SBNO2: variants seen among roughly 807,000 people sequenced by gnomAD.
SBNO2 encodes strawberry notch homolog 2, also known as protein strawberry notch homolog 2.
SBNO2 carries 89 observed loss-of-function variants against 146.3 expected under a neutral mutation model. That is an observed-to-expected ratio of 0.61 (90% CI 0.51 to 0.73). The LOEUF (loss-of-function observed/expected upper bound fraction) is 0.73, where lower values mean the gene tolerates loss of function less well. Among genes scored for constraint, SBNO2 ranks in the 30% least tolerant of loss-of-function variants. The probability of loss-of-function intolerance (pLI) is 0.00; values close to 1 mark genes in which losing one functional copy is unlikely to be tolerated. For missense variants in SBNO2, 2,092 were observed against 2,003.7 expected (o/e 1.04, Z -0.84); for synonymous variants, 1,147 against 892.6 (o/e 1.29, Z -5.08).
chr19:1,122,589 C>A, intron 9 of SBNO2, 31 bp from the exon 10 acceptor site: 1 of 1,506,842 alleles, frequency 6.6e-7, no homozygotes, highest in Admixed American at 2.1e-5. Flanking sequence ...GCGCGCCCAC[C>A]CTTCCCCCTC....
intron 2 of SBNO2, among the ~76,000 whole-genome samples, chr19:1,153,141 G>A (rs1222168147): frequency 6.6e-6 from 1 of 151,058 alleles, no homozygotes; most frequent in Non-Finnish European, 1.5e-5. Flanking sequence ...GCAACAGAGT[G>A]AAACCGTGTT....
chr19:1,133,470 C>T (rs1656098864), intron 4 of SBNO2, among the ~76,000 whole-genome samples: 1 of 150,666 alleles, frequency 6.6e-6, no homozygotes, highest in African/African-American at 2.5e-5. Flanking sequence ...TCACCCTGTT[C>T]TAGACCCTGA....
intron 4 of SBNO2, among the ~76,000 whole-genome samples, chr19:1,142,478 G>A (rs1011274089): frequency 4.6e-5 from 7 of 152,210 alleles, no homozygotes; most frequent in Non-Finnish European, 7.3e-5. Flanking sequence ...TCAGGAGTTC[G>A]AGACCAGCCT....
intron 7 of SBNO2, 148 bp downstream of exon 7, chr19:1,123,386 A>C (rs1200799329): frequency 1.5e-6 from 1 of 687,574 alleles, no homozygotes; most frequent in Non-Finnish European, 2.5e-6. Context: ...ATAAGCCTGG[A>C]TTGTAGAACC....
chr19:1,111,570 G>T lies in SBNO2; in HGVS notation c.2745C>A (p.Ser915Arg). 1 of 1,597,836 alleles carries T rather than the reference G, an allele frequency of 6.3e-7. No individual in the cohort carries two copies. ...ALHCVLTTIL[S>R]QTENKVPVPQ... ...GCACAGGCACTTTGTTCTCAGTCTG[G>T]CTCAGGATGGTGGTGAGGACACAGT... Residue 915 changes from serine (S) to arginine (R), a missense_variant, in exon 24 of 32, where the codon AGC (serine) becomes AGA (arginine). Ser to Arg is a moderately radical substitution (Grantham distance 110, BLOSUM62 -1). Transcript: ENST00000361757.
At position 1,114,388 on chromosome 19, in the gene SBNO2, C is replaced by T; in HGVS notation, c.1920G>A (p.Arg640=). ...RPRGRGAKAP[R]LACETAGVIR... is the part of the protein sequence containing the mutation. ...TGACGCCCGCTGTCTCGCACGCCAG[C>T]CGGGGGGCTTTGGCCCCGCGTCCCC... The change falls in exon 18 of 32, where the codon CGG becomes CGA. Residue 640 remains arginine (R), a synonymous_variant. Coordinates refer to ENST00000361757, the MANE Select transcript of SBNO2 (RefSeq NM_014963.3). 6.5e-7 allele frequency: 1 copy of T among 1,550,262 alleles called. No homozygotes were observed. Among genetic ancestry groups the T allele is most frequent in the Non-Finnish European group, 8.7e-7 (1 of 1,146,622 alleles).
At chr19:1,123,347 C>T (rs929543132) in intron 7 of SBNO2, among the ~76,000 whole-genome samples, 187 bp downstream of exon 7, 1 of 152,160 alleles carries the variant, frequency 6.6e-6, no homozygotes, top group African/African-American at 2.4e-5. Context: ...TTCCTTTCCA[C>T]TTCTCCCCTC....
chr19:1,118,805 G>A (rs2079863083), intron 14 of SBNO2, among the ~76,000 whole-genome samples: 1 of 152,120 alleles, frequency 6.6e-6, no homozygotes, highest in Non-Finnish European at 1.5e-5. Context: ...CCAAGAGGCA[G>A]AGGTTGCAGT....
Position 1,118,209 on chromosome 19 carries a change from A to G in SBNO2, c.1528-710T>C, listed in dbSNP as rs1211576694. On this transcript the variant is annotated intron_variant, in intron 14 of 31. Transcript: ENST00000361757. ...ATAAAATTGGCCGGGCTGGTGGCACATGCCTGTAACCCCAGCTACGCGGGA... is the reference window on the plus strand; with the variant it reads ...ATAAAATTGGCCGGGCTGGTGGCACGTGCCTGTAACCCCAGCTACGCGGGA... Among the ~76,000 whole-genome samples, 3 of 152,300 alleles carry G rather than the reference A, an allele frequency of 2.0e-5. No individual in the cohort carries two copies. In the East Asian group the frequency reaches 5.8e-4, roughly 29 times the overall value.
At chr19:1,143,517 C>T (rs2080159219) in intron 4 of SBNO2, among the ~76,000 whole-genome samples, 1 of 152,174 alleles carries the variant, frequency 6.6e-6, no homozygotes, top group Admixed American at 6.5e-5. Flanking sequence ...ACACACTTAT[C>T]CTCTCACAGT....
intron 1 of SBNO2, among the ~76,000 whole-genome samples, chr19:1,159,760 TGGGGACAGCG>T (rs2080326829): frequency 1.7e-5 from 1 of 59,410 alleles, no homozygotes; most frequent in Non-Finnish European, 3.1e-5. Flanking sequence ...AGCGGGGAGA[TGGGGACAGCG>T]GGGGGCAGTG....
At chr19:1,171,553 C>T (rs2080477752) in intron 1 of SBNO2, among the ~76,000 whole-genome samples, 1 of 152,152 alleles carries the variant, frequency 6.6e-6, no homozygotes, top group African/African-American at 2.4e-5. Flanking sequence ...GCATGGGGGC[C>T]CCCTGGGAGG....
Position 1,150,931 on chromosome 19 carries a change from A to G in SBNO2, c.94-1489T>C, listed in dbSNP as rs1040156589. Among the ~76,000 whole-genome samples the G allele has an allele frequency of 1.3e-5, 2 of 152,098 alleles. No homozygotes were observed. Among genetic ancestry groups the G allele is most frequent in the East Asian group, 3.9e-4 (2 of 5,184 alleles). ...TCCAGCTTTTGCATAAAATAAGTTT[A>G]TCAGCAAAAGCCCACAGCTCCTCCC... On this transcript the variant is annotated intron_variant, in intron 2 of 31. Transcript: ENST00000361757. This position sits in a 1 kb window ranked among gnomAD's most constrained non-coding sequence, Gnocchi z 6.2.
chr19:1,130,935 C>T (rs1282060839), intron 4 of SBNO2, among the ~76,000 whole-genome samples: 3 of 152,180 alleles, frequency 2.0e-5, no homozygotes, highest in Non-Finnish European at 4.4e-5. Flanking sequence ...CATGAGCCCT[C>T]GAAGCCTTCA....
At chr19:1,118,777 G>A (rs562938819) in intron 14 of SBNO2, among the ~76,000 whole-genome samples, 6 of 152,172 alleles carry the variant, frequency 3.9e-5, no homozygotes, top group African/African-American at 1.4e-4. Flanking sequence ...GAGGCTGAGG[G>A]GGGAGAATCG....
At chr19:1,142,875 G>A (rs986335727) in intron 4 of SBNO2, among the ~76,000 whole-genome samples, 2 of 152,060 alleles carry the variant, frequency 1.3e-5, no homozygotes, top group African/African-American at 2.4e-5. Flanking sequence ...GCTGAGGCAG[G>A]AGAATCGCTT....
At chr19:1,129,009 G>T (rs77065759) in intron 4 of SBNO2, among the ~76,000 whole-genome samples, 14,559 of 150,686 alleles carry the variant, frequency 0.097, 1,114 homozygotes, top group African/African-American at 0.2. Context: ...GCTCACGCCT[G>T]TAACCCCAGC....
rs189317809 is a variant in SBNO2, at chr19:1,123,148, G to A, written c.629-103C>T. Reference sequence around the variant, plus strand: ...GGTCTGGGGCGTGGCCAGAGCTGGCGGGGCAGTTTGGGGGCGTGGCCAGGT... The same window carrying A: ...GGTCTGGGGCGTGGCCAGAGCTGGCAGGGCAGTTTGGGGGCGTGGCCAGGT... On this transcript the variant is annotated intron_variant, in intron 7 of 31. Transcript: ENST00000361757. The A allele has an allele frequency of 3.1e-3, 4,082 of 1,316,546 alleles. 8 individuals are homozygous for A. Among genetic ancestry groups the A allele is most frequent in the Middle Eastern group, 3.9e-3 (15 of 3,854 alleles). The allele number at this position is 1,316,546 out of a possible 1,614,324, so 81.6% of individuals were successfully genotyped here.
At chr19:1,120,274 G>A (rs1028683066) in intron 11 of SBNO2, 17 of 508,248 alleles carry the variant, frequency 3.3e-5, no homozygotes, top group Non-Finnish European at 5.3e-5. Flanking sequence ...AACACACACC[G>A]AGGATGGGGC....
Sources: gnomAD v4.1 joint callset for allele counts (sites outside exome capture counted in the v4.1 genomes callset) on GRCh38, gnomAD v4.1.1 for gene constraint, Gnocchi (gnomAD v3.1) non-coding constraint, MANE v1.5 for transcripts, NCBI Gene and HGNC (gene_info 2026-07-23, HGNC 2026-07-21) for gene names.